Variants in MYRFL observed in about 807,000 individuals in gnomAD.
The protein encoded by MYRFL is myelin regulatory factor like.
MYRFL carries 88 observed loss-of-function variants against 109.4 expected under a neutral mutation model. The ratio of observed to expected loss-of-function variants is 0.80; its 90% confidence interval spans 0.68 to 0.96. The LOEUF (loss-of-function observed/expected upper bound fraction) is 0.96, where lower values mean the gene tolerates loss of function less well. Ranked by LOEUF, MYRFL falls within the 40% of genes least tolerant of loss-of-function variation. The pLI, the probability that MYRFL is intolerant of heterozygous loss-of-function variation, is 0.00. For missense variants in MYRFL, 957 were observed against 954.9 expected, an observed-to-expected ratio of 1.00 and a Z score of -0.03; for synonymous variants, 324 against 320.9, an observed-to-expected ratio of 1.01 and a Z score of -0.10.
At chr12:69,826,821 C>T (rs1231684195) in intron 1 of MYRFL, among the ~76,000 whole-genome samples, 1 of 152,088 alleles carries the variant, frequency 6.6e-6, no homozygotes, top group Non-Finnish European at 1.5e-5. Flanking sequence ...AATCACACAG[C>T]TAATTGTCAA....
Position 69,909,957 on chromosome 12 carries a change from T to C in MYRFL, c.1384-12T>C, listed in dbSNP as rs1436032046. On this transcript the variant is annotated splice_polypyrimidine_tract_variant and intron_variant, in intron 11 of 24. Coordinates refer to ENST00000552032, the MANE Select transcript of MYRFL (RefSeq NM_182530.3). ...TATGCGAGTAAAATCTGCTCTTCTT[T>C]AATTAAATTAGGTTGACACGAATGA... 2 of 1,510,614 alleles carry C rather than the reference T, an allele frequency of 1.3e-6. No homozygotes were observed. The highest frequency in any genetic ancestry group is 1.4e-5 in the African/African-American group (1 of 71,882). 93.6% of individuals were successfully genotyped at this position (1,510,614 alleles called of 1,614,324 possible). A position where few individuals can be genotyped will look rare whatever the true frequency, so the allele number is the denominator to read the frequency against.
At chr12:69,930,231 G>A (rs955623353) in intron 15 of MYRFL, among the ~76,000 whole-genome samples, 73 of 152,224 alleles carry the variant, frequency 4.8e-4, no homozygotes, top group Non-Finnish European at 8.2e-4. Flanking sequence ...GCAAATTGAT[G>A]CTGTGAGCAG....
rs1462896723 is a variant in MYRFL at position 69,880,289 on chromosome 12, C to A, written c.553C>A (p.Pro185Thr). Reference sequence around the variant, plus strand: ...CCGAGTGTGGGCCTGCCACTGCAGACCGAGTGAGCAAACCTGGGTGGGAAC... The same window carrying A: ...CCGAGTGTGGGCCTGCCACTGCAGAACGAGTGAGCAAACCTGGGTGGGAAC... Reference protein sequence around the residue: ...ECRVWACHCRPMTSRSRSSEV... With the variant: ...ECRVWACHCRTMTSRSRSSEV... Residue 185 changes from proline (P) to threonine (T), a missense_variant, in exon 5 of 25, where the codon CCG (proline) becomes ACG (threonine). Physicochemically the swap from Pro to Thr is conservative, Grantham distance 38. Coordinates refer to ENST00000552032, the MANE Select transcript of MYRFL (RefSeq NM_182530.3). 1.4e-6 allele frequency: 1 copy of A among 702,406 alleles called. No homozygotes were observed. Among genetic ancestry groups the A allele is most frequent in the South Asian group, 1.5e-5 (1 of 67,502 alleles). 43.5% of individuals were successfully genotyped at this position (702,406 alleles called of 1,614,324 possible). A position where few individuals can be genotyped will look rare whatever the true frequency, so the allele number is the denominator to read the frequency against.
rs542636331 is a variant in MYRFL, at chr12:69,913,419, G to C, written c.1602+2489G>C. Among the ~76,000 whole-genome samples the C allele has an allele frequency of 8.5e-5, 13 of 152,148 alleles. No homozygotes were observed. In the South Asian group the frequency reaches 2.1e-3, roughly 24 times the overall value. On this transcript the variant is annotated intron_variant, in intron 13 of 24. Transcript: ENST00000552032. The stretch of plus-strand genomic sequence containing the variant: ...GATTGTGCCCTTTGTTTTCTTTGAA[G>C]AGTTTTATAATTTTAGGTTTTACAT...
At chr12:69,932,165 C>G (rs789568) in intron 15 of MYRFL, among the ~76,000 whole-genome samples, 39,411 of 151,784 alleles carry the variant, frequency 0.26, 5,294 homozygotes, top group Non-Finnish European at 0.31. Flanking sequence ...CAAAGAGATG[C>G]ACATCATCTG....
intron 13 of MYRFL, among the ~76,000 whole-genome samples, chr12:69,911,202 G>A (rs1397727599): frequency 6.6e-6 from 1 of 152,204 alleles, no homozygotes; most frequent in East Asian, 1.9e-4. Context: ...CACTAGGAAA[G>A]TCCACTTAGC....
At position 69,830,119 on chromosome 12, in the gene MYRFL, A is replaced by G. The variant is rs187000590; in HGVS notation, c.46+4556A>G. On this transcript the variant is annotated intron_variant, in intron 1 of 24. Transcript: ENST00000552032. ...CACCTCTGTAGAGTCTTGTATTCAAAGTGCTTTCATAGAACATTGAAACTG... is the reference window on the plus strand; with the variant it reads ...CACCTCTGTAGAGTCTTGTATTCAAGGTGCTTTCATAGAACATTGAAACTG... Among the ~76,000 whole-genome samples the G allele has an allele frequency of 2.9e-3, 434 of 152,180 alleles. 3 individuals carry two copies. Among genetic ancestry groups the G allele is most frequent in the African/African-American group, 9.6e-3 (399 of 41,548 alleles).
At chr12:69,866,392 G>A (rs1214875910) in intron 2 of MYRFL, among the ~76,000 whole-genome samples, 1 of 152,076 alleles carries the variant, frequency 6.6e-6, no homozygotes, top group East Asian at 1.9e-4. Flanking sequence ...GGGACACTGG[G>A]CTAGTTCAAT....
In MYRFL at chr12:69,825,384, T is replaced by C. The variant is rs897873093; in HGVS notation, c.-134T>C. 2.9e-6 allele frequency: 2 copies of C among 693,394 alleles called. No homozygotes were observed. The highest frequency in any genetic ancestry group is 2.1e-5 in the Admixed American group (1 of 48,092). The allele number at this position is 693,394 out of a possible 1,614,324, so 43.0% of individuals were successfully genotyped here. On this transcript the variant is annotated 5_prime_UTR_variant, in exon 1 of 25. The change abolishes an upstream ATG in the 5' untranslated region. Coordinates refer to ENST00000552032, the MANE Select transcript of MYRFL (RefSeq NM_182530.3). ...GGGCACAATTTGATGGCTGAAGATA[T>C]GCTTCACTCCAATAAAAAGAAAATG...
At chr12:69,833,006 G>A (rs1385961878) in intron 1 of MYRFL, among the ~76,000 whole-genome samples, 1 of 150,732 alleles carries the variant, frequency 6.6e-6, no homozygotes, top group Non-Finnish European at 1.5e-5. Flanking sequence ...ATTCATTTGG[G>A]ACATTTTACG....
rs1338882515 is a variant in MYRFL at position 69,936,491 on chromosome 12, C to A, written c.2083C>A (p.Gln695Lys). Residue 695 changes from glutamine (Q) to lysine (K), a missense_variant, in exon 19 of 25, where the codon CAA becomes AAA. Gln to Lys is a moderately conservative substitution (Grantham distance 53). Coordinates refer to ENST00000552032, the MANE Select transcript of MYRFL (RefSeq NM_182530.3). ...TSLVTTPASL[Q>K]VPEITFCEIL... ...CCTGGTAACCACACCGGCCTCCTTA[C>A]AAGTACCTGAAATTACTTTCTGTGA... 6.5e-7 allele frequency: 1 copy of A among 1,536,100 alleles called. No individual in the cohort carries two copies. The highest frequency in any genetic ancestry group is 8.7e-7 in the Non-Finnish European group (1 of 1,146,898).
At chr12:69,874,172 GTTA>G in intron 2 of MYRFL, among the ~76,000 whole-genome samples, 1 of 152,122 alleles carries the variant, frequency 6.6e-6, no homozygotes, top group East Asian at 1.9e-4. Flanking sequence ...ATTTTATTTT[GTTA>G]TTTTATTTTA....
chr12:69,913,552 T>C (rs563024171), intron 13 of MYRFL, among the ~76,000 whole-genome samples: 1 of 152,230 alleles, frequency 6.6e-6, no homozygotes, highest in African/African-American at 2.4e-5. Context: ...TTGAAAAGAC[T>C]GTCCTTTTCC....
At chr12:69,941,718 A>G (rs998708100) in intron 19 of MYRFL, among the ~76,000 whole-genome samples, 5 of 147,318 alleles carry the variant, frequency 3.4e-5, no homozygotes, top group African/African-American at 1.0e-4. Flanking sequence ...GACACAAAAA[A>G]CCCTTCAAAA....
intron 1 of MYRFL, among the ~76,000 whole-genome samples, chr12:69,834,898 G>T: frequency 6.6e-6 from 1 of 152,092 alleles, no homozygotes; most frequent in Non-Finnish European, 1.5e-5. Flanking sequence ...AGAAAACACA[G>T]AACAGTGAAA....
At chr12:69,937,540 G>T (rs10879058) in intron 19 of MYRFL, among the ~76,000 whole-genome samples, 1 of 152,024 alleles carries the variant, frequency 6.6e-6, no homozygotes, top group Non-Finnish European at 1.5e-5. Flanking sequence ...CACAGTCTCC[G>T]TAGTAGTGGT....
intron 1 of MYRFL, among the ~76,000 whole-genome samples, chr12:69,849,822 A>C (rs1883773525): frequency 6.6e-6 from 1 of 152,224 alleles, no homozygotes; most frequent in African/African-American, 2.4e-5. Context: ...AATAATGATC[A>C]ATTGCCCTCA....
At chr12:69,937,558 C>T (rs557733197) in intron 19 of MYRFL, among the ~76,000 whole-genome samples, 44 of 152,278 alleles carry the variant, frequency 2.9e-4, no homozygotes, top group African/African-American at 9.9e-4. Context: ...GGTAAAAGAA[C>T]AAGGCAAATT....
At chr12:69,932,397 C>T in intron 15 of MYRFL, 116 bp from the exon 16 acceptor site, 1 of 646,010 alleles carries the variant, frequency 1.5e-6, no homozygotes, top group South Asian at 1.9e-5. Flanking sequence ...TTGAGGCAAG[C>T]ACTCAAACTA....
Sources: gnomAD v4.1 joint callset for allele counts (sites outside exome capture counted in the v4.1 genomes callset) on GRCh38, gnomAD v4.1.1 for gene constraint, MANE v1.5 for transcripts, NCBI Gene and HGNC (gene_info 2026-07-23, HGNC 2026-07-21) for gene names.